Variants in CALN1 observed in about 807,000 individuals in gnomAD.
The protein encoded by CALN1 is calneuron 1, also known as calcium-binding protein 8.
Under a neutral mutation model 30.6 loss-of-function variants are expected in CALN1, and 17 were observed. The ratio of observed to expected loss-of-function variants is 0.56; its 90% CI spans 0.38 to 0.83. CALN1 has a LOEUF of 0.83. CALN1 is among the 40% of genes least tolerant of loss of function. The probability of loss-of-function intolerance (pLI) is 0.00; values close to 1 mark genes in which losing one functional copy is unlikely to be tolerated. For missense variants in CALN1, 291 were observed against 354.9 expected (o/e 0.82, Z 1.45); for synonymous variants, 156 against 131.4 (o/e 1.19, Z -1.28).
Position 72,271,575 on chromosome 7 carries a change from A to AAAAAATATATATATATAT in CALN1, c.244+7110_244+7111insATATATATATATATTTTT. Among the ~76,000 whole-genome samples, 40 of 52,116 alleles carry AAAAAATATATATATATAT rather than the reference A, an allele frequency of 7.7e-4. 3 individuals are homozygous for AAAAAATATATATATATAT. The highest frequency in any genetic ancestry group is 4.6e-3 in the South Asian group (4 of 868). The allele number at this position is 52,116 out of a possible 152,430, so 34.2% of individuals were successfully genotyped here. The stretch of plus-strand genomic sequence containing the variant: ...CTGTGCCTGCCTTTTAAAAAAAAAA[A>AAAAAATATATATATATAT]ATATATATATATATATATAGTTTTC... On this transcript the variant is annotated intron_variant, in intron 3 of 6. Transcript: ENST00000395275.
At chr7:72,105,165 A>G (rs896681930) in intron 4 of CALN1, among the ~76,000 whole-genome samples, 1 of 152,140 alleles carries the variant, frequency 6.6e-6, no homozygotes, top group Non-Finnish European at 1.5e-5. Context: ...GTCTGGCTAC[A>G]CTGGGGCTAC....
intron 5 of CALN1, among the ~76,000 whole-genome samples, chr7:71,975,614 A>G (rs1798064042): frequency 6.6e-6 from 1 of 151,734 alleles, no homozygotes; most frequent in Non-Finnish European, 1.5e-5. Context: ...TTATTTTTCT[A>G]GAGATAGGAT....
intron 2 of CALN1, among the ~76,000 whole-genome samples, chr7:72,377,564 G>A (rs773569629): frequency 4.6e-5 from 7 of 151,988 alleles, no homozygotes; most frequent in Admixed American, 2.0e-4. Flanking sequence ...CCCTTGCTTA[G>A]GGGTTTGTTG....
At chr7:72,393,642 A>C (rs889017277) in intron 2 of CALN1, among the ~76,000 whole-genome samples, 17 of 152,160 alleles carry the variant, frequency 1.1e-4, no homozygotes, top group African/African-American at 4.1e-4. Context: ...CCCCCCAGGC[A>C]AATGCCAAAA....
chr7:71,921,268 G>A (rs1794931431), intron 5 of CALN1, among the ~76,000 whole-genome samples: 1 of 152,152 alleles, frequency 6.6e-6, no homozygotes, highest in Admixed American at 6.5e-5. Flanking sequence ...TAGATGACAG[G>A]TTGATGGGTG....
intron 3 of CALN1, among the ~76,000 whole-genome samples, chr7:72,144,735 T>C (rs2129543703): frequency 6.6e-6 from 1 of 152,284 alleles, no homozygotes; most frequent in Middle Eastern, 3.4e-3. Context: ...AAAGCACTCC[T>C]CAGCAAATGT....
At chr7:72,242,816 A>G (rs1460722657) in intron 3 of CALN1, among the ~76,000 whole-genome samples, 2 of 152,194 alleles carry the variant, frequency 1.3e-5, no homozygotes, top group African/African-American at 4.8e-5. Context: ...TCAACCTGGG[A>G]GGCAGAGATT....
intron 4 of CALN1, among the ~76,000 whole-genome samples, chr7:72,055,895 C>T (rs1267185867): frequency 1.3e-5 from 2 of 152,090 alleles, no homozygotes; most frequent in African/African-American, 4.8e-5. Flanking sequence ...GTGGCACACA[C>T]CCATAGTCCC....
intron 3 of CALN1, among the ~76,000 whole-genome samples, chr7:72,250,547 A>G (rs6963187): frequency 0.36 from 54,254 of 151,948 alleles, 10,654 homozygotes; most frequent in Middle Eastern, 0.55. Context: ...CAAAACTCAT[A>G]TTGAAATGTG....
intron 5 of CALN1, among the ~76,000 whole-genome samples, chr7:72,018,588 C>T (rs1208869810): frequency 5.9e-5 from 9 of 152,128 alleles, no homozygotes; most frequent in South Asian, 2.1e-4. Flanking sequence ...GAGCGTATGC[C>T]GGGAGGACTG....
chr7:72,273,547 T>A, intron 3 of CALN1, among the ~76,000 whole-genome samples: 1 of 149,684 alleles, frequency 6.7e-6, no homozygotes, highest in South Asian at 2.2e-4. Flanking sequence ...GGGTCTTTCT[T>A]TCTCACCAAG....
chr7:72,048,199 C>T (rs1802604576), intron 4 of CALN1, among the ~76,000 whole-genome samples: 1 of 151,976 alleles, frequency 6.6e-6, no homozygotes, highest in South Asian at 2.1e-4. Flanking sequence ...GCCATCGCAC[C>T]CGGCTAATTT....
chr7:72,228,739 ATATTTATTTATTTATTTATTTATTTATT>A (rs112888645), intron 3 of CALN1, among the ~76,000 whole-genome samples: 1 of 149,252 alleles, frequency 6.7e-6, no homozygotes, highest in Non-Finnish European at 1.5e-5. Context: ...CCTTATTTAT[ATATTTATTTATTTATTTATTTATTTATT>A]TATTTATTTA....
chr7:72,288,784 G>A (rs528306328), intron 2 of CALN1, among the ~76,000 whole-genome samples: 1 of 152,022 alleles, frequency 6.6e-6, no homozygotes, highest in Non-Finnish European at 1.5e-5. Context: ...GCACTGCTTT[G>A]TCCTTCTATG....
intron 5 of CALN1, among the ~76,000 whole-genome samples, chr7:71,971,992 A>AGAAAGAAAGAAAGAAAG (rs1797859823): frequency 7.7e-6 from 1 of 130,038 alleles, no homozygotes; most frequent in African/African-American, 3.0e-5. Context: ...AAAGAAAGAA[A>AGAAAGAAAGAAAGAAAG]GAGAAAGAAA....
intron 5 of CALN1, among the ~76,000 whole-genome samples, chr7:71,941,864 G>A (rs1191727742): frequency 6.6e-6 from 1 of 152,088 alleles, no homozygotes; most frequent in Non-Finnish European, 1.5e-5. Flanking sequence ...TGGGGATTAG[G>A]GATTGGGAGA....
intron 1 of CALN1, among the ~76,000 whole-genome samples, chr7:72,410,830 G>A (rs868303353): frequency 2.0e-5 from 3 of 152,120 alleles, no homozygotes; most frequent in South Asian, 4.1e-4. Flanking sequence ...AGAAGCACTA[G>A]AAACTTTATT....
At chr7:72,266,498 T>C (rs1330809479) in intron 3 of CALN1, among the ~76,000 whole-genome samples, 2 of 152,228 alleles carry the variant, frequency 1.3e-5, no homozygotes, top group African/African-American at 2.4e-5. Flanking sequence ...GCTAATGTCA[T>C]GCACATTCCG....
chr7:72,314,525 G>C (rs1304060690), intron 2 of CALN1, among the ~76,000 whole-genome samples: 1 of 151,224 alleles, frequency 6.6e-6, no homozygotes, highest in Non-Finnish European at 1.5e-5. Context: ...CCGAGTTCAA[G>C]TGATACTCCT....
Sources: gnomAD v4.1 joint callset for allele counts (sites outside exome capture counted in the v4.1 genomes callset) on GRCh38, gnomAD v4.1.1 for gene constraint, MANE v1.5 for transcripts, NCBI Gene and HGNC (gene_info 2026-07-23, HGNC 2026-07-21) for gene names.